The following PPP2R2C variants were observed in gnomAD, a reference collection of about 807,000 sequenced individuals.
The protein encoded by PPP2R2C is protein phosphatase 2 regulatory subunit Bgamma, also known as protein phosphatase 2, regulatory subunit B, gamma.
Under a neutral mutation model 45.3 loss-of-function variants are expected in PPP2R2C, and 10 were observed. The ratio of observed to expected loss-of-function variants is 0.22; its 90% confidence interval spans 0.14 to 0.37. The LOEUF is 0.37. Ranked by LOEUF, PPP2R2C falls within the 10% of genes least tolerant of loss-of-function variation. The probability of loss-of-function intolerance (pLI) is 1.00; values close to 1 mark genes in which losing one functional copy is unlikely to be tolerated. For missense variants in PPP2R2C, 308 were observed against 619.7 expected, an observed-to-expected ratio of 0.50 and a Z score of 5.34; for synonymous variants, 257 against 245.4, an observed-to-expected ratio of 1.05 and a Z score of -0.44.
At chr4:6,341,140 G>C (rs930849364) in intron 6 of PPP2R2C, among the ~76,000 whole-genome samples, 5 of 152,190 alleles carry the variant, frequency 3.3e-5, no homozygotes, top group African/African-American at 1.2e-4. Context: ...TCAGGAGTTT[G>C]AGACCAGCCT....
chr4:6,532,551 C>T (rs957624884), intron 2 of PPP2R2C, among the ~76,000 whole-genome samples: 3 of 152,162 alleles, frequency 2.0e-5, no homozygotes, highest in East Asian at 1.9e-4. Context: ...ACTAGAAAAG[C>T]GGGATTTGCC....
intron 3 of PPP2R2C, among the ~76,000 whole-genome samples, chr4:6,376,270 G>A (rs1715293295): frequency 6.6e-6 from 1 of 152,210 alleles, no homozygotes; most frequent in African/African-American, 2.4e-5. Flanking sequence ...TGATGAGAAG[G>A]AACTGGGAAG....
At chr4:6,359,347 G>A (rs1713520599) in intron 5 of PPP2R2C, among the ~76,000 whole-genome samples, 1 of 152,154 alleles carries the variant, frequency 6.6e-6, no homozygotes, top group South Asian at 2.1e-4. Flanking sequence ...ACCTGTCATG[G>A]AGTGGGGGAA....
chr4:6,406,029 A>G (rs989824773), intron 1 of PPP2R2C, among the ~76,000 whole-genome samples: 1 of 152,222 alleles, frequency 6.6e-6, no homozygotes, highest in African/African-American at 2.4e-5. Context: ...ATATATACCA[A>G]TGAGAATTAC....
intron 1 of PPP2R2C, among the ~76,000 whole-genome samples, chr4:6,451,514 G>A (rs563128407): frequency 3.3e-5 from 5 of 152,292 alleles, no homozygotes; most frequent in South Asian, 2.1e-4. Flanking sequence ...GGCAGCCAGC[G>A]CGGGCTGGGG....
intron 1 of PPP2R2C, among the ~76,000 whole-genome samples, chr4:6,458,325 A>G (rs1160339859): frequency 6.6e-6 from 1 of 152,204 alleles, no homozygotes; most frequent in African/African-American, 2.4e-5. Context: ...ATTCCTCACA[A>G]TTCTGGAGGC....
At chr4:6,357,012 G>A (rs1204706300) in intron 5 of PPP2R2C, among the ~76,000 whole-genome samples, 1 of 151,732 alleles carries the variant, frequency 6.6e-6, no homozygotes, top group African/African-American at 2.4e-5. Context: ...GGCTCAGGGA[G>A]CAGGAGGAGA....
intron 2 of PPP2R2C, among the ~76,000 whole-genome samples, chr4:6,532,946 T>C (rs1724452546): frequency 6.6e-6 from 1 of 152,132 alleles, no homozygotes; most frequent in East Asian, 1.9e-4. Context: ...GGAGGCGAGC[T>C]CAACACAGGG....
At chr4:6,562,652 C>T (rs1385577422) in intron 1 of PPP2R2C, among the ~76,000 whole-genome samples, 1 of 152,204 alleles carries the variant, frequency 6.6e-6, no homozygotes, top group Non-Finnish European at 1.5e-5. Flanking sequence ...CAGTACCCCC[C>T]ATAGGCCTCT....
chr4:6,460,316 C>G (rs1244595407), intron 1 of PPP2R2C, among the ~76,000 whole-genome samples: 2 of 152,174 alleles, frequency 1.3e-5, no homozygotes, highest in Non-Finnish European at 2.9e-5. Context: ...CAGACACACA[C>G]AGGAAAGACC....
At chr4:6,362,758 C>T (rs547929879) in intron 5 of PPP2R2C, among the ~76,000 whole-genome samples, 4 of 152,324 alleles carry the variant, frequency 2.6e-5, no homozygotes, top group East Asian at 3.9e-4. Context: ...CAGCACCAGG[C>T]AGGCTGCAAC....
intron 5 of PPP2R2C, among the ~76,000 whole-genome samples, chr4:6,367,977 G>C (rs1240491747): frequency 6.6e-6 from 1 of 152,214 alleles, no homozygotes; most frequent in Non-Finnish European, 1.5e-5. Context: ...CTATCACTAA[G>C]GCCAGGGTGC....
chr4:6,500,574 C>T (rs932611839), intron 2 of PPP2R2C, among the ~76,000 whole-genome samples: 1 of 152,198 alleles, frequency 6.6e-6, no homozygotes, highest in Admixed American at 6.5e-5. Flanking sequence ...TCACAGGGGA[C>T]CCCCACCTTG....
At chr4:6,351,928 A>G (rs1048448656) in intron 5 of PPP2R2C, among the ~76,000 whole-genome samples, 4 of 152,098 alleles carry the variant, frequency 2.6e-5, no homozygotes, top group African/African-American at 7.2e-5. Context: ...GCCCTTTACA[A>G]AAGGAATTAA....
At chr4:6,444,269 G>C (rs77447759) in intron 1 of PPP2R2C, among the ~76,000 whole-genome samples, 1,752 of 152,348 alleles carry the variant, frequency 0.011, 14 homozygotes, top group Non-Finnish European at 0.018. Flanking sequence ...CAGGAGGTCT[G>C]CTCCCGCGGA....
At chr4:6,455,773 C>A (rs1474077984) in intron 1 of PPP2R2C, among the ~76,000 whole-genome samples, 1 of 152,190 alleles carries the variant, frequency 6.6e-6, no homozygotes, top group Non-Finnish European at 1.5e-5. Context: ...CTCCACCAAC[C>A]CTGAACACAC....
intron 1 of PPP2R2C, among the ~76,000 whole-genome samples, chr4:6,554,709 A>G (rs1725303244): frequency 6.6e-6 from 1 of 151,792 alleles, no homozygotes; most frequent in Admixed American, 6.6e-5. Flanking sequence ...AAAATACAAA[A>G]ATCAGCCAGG....
At position 6,436,710 on chromosome 4, in the gene PPP2R2C, C is replaced by A. The variant is rs536250612; in HGVS notation, c.70+35450G>T. On this transcript the variant is annotated intron_variant, in intron 1 of 8. Transcript: ENST00000382599. ...TCCAGAGAATAAATACAGGGCCACA[C>A]TGTCTCAACTACCGTCACAACTACT... Among the ~76,000 whole-genome samples the A allele has an allele frequency of 4.6e-5, 7 of 152,352 alleles. No individual in the cohort carries two copies. In the South Asian group the frequency reaches 1.4e-3, roughly 32 times the overall value.
chr4:6,494,892 T>A (rs1053438451), intron 2 of PPP2R2C, among the ~76,000 whole-genome samples: 29 of 152,232 alleles, frequency 1.9e-4, no homozygotes, highest in African/African-American at 7.0e-4. Context: ...CTCTCCTGGC[T>A]GCCCTGTCCA....
Sources: allele counts gnomAD v4.1 joint callset (sites outside exome capture counted in the v4.1 genomes callset), GRCh38; gene constraint gnomAD v4.1.1; transcripts MANE v1.5; gene names NCBI Gene and HGNC (gene_info 2026-07-23, HGNC 2026-07-21).